PABIR3: variants seen among roughly 807,000 people sequenced by gnomAD.
The protein encoded by PABIR3 is PABIR family member 1.
A neutral mutation model predicts 23.1 loss-of-function variants in PABIR3; 20 were observed. That is an observed-to-expected ratio of 0.86 (90% CI 0.61 to 1.26). The LOEUF (loss-of-function observed/expected upper bound fraction) is 1.26, where lower values mean the gene tolerates loss of function less well. PABIR3 is among the 50% of genes most tolerant of loss of function. The pLI is 0.00. For missense variants in PABIR3, 189 were observed against 195.4 expected (o/e 0.97, Z 0.20); for synonymous variants, 69 against 68.5 (o/e 1.01, Z -0.04).
In PABIR3 at chrX:134,854,314, T is replaced by C. The variant is rs1569464291; in HGVS notation, c.*97T>C. On this transcript the variant is annotated 3_prime_UTR_variant, in exon 11 of 11. Transcript: ENST00000645433. ...GCAAACCAAGTCAGAGCAATGAGAA[T>C]TGTACTGTATAATTTAAACTATCTC... The C allele has an allele frequency of 2.2e-6, 2 of 927,519 alleles. No homozygotes were observed. The highest frequency in any genetic ancestry group is 3.5e-5 in the East Asian group (1 of 28,398). The allele number at this position is 927,519 out of a possible 1,213,427, so 76.4% of individuals were successfully genotyped here. A position where few individuals can be genotyped will look rare whatever the true frequency, so the allele number is the denominator to read the frequency against.
intron 4 of PABIR3, chrX:134,833,015 C>G (rs2081861444): frequency 9.0e-6 from 1 of 110,911 alleles, no homozygotes; most frequent in Admixed American, 9.7e-5. Flanking sequence ...GTATGGGTGA[C>G]TTTTTGTATC....
intron 4 of PABIR3, among the ~76,000 whole-genome samples, chrX:134,832,192 T>C (rs2081814208): frequency 9.2e-6 from 1 of 108,376 alleles, no homozygotes; most frequent in African/African-American, 3.3e-5. Flanking sequence ...AAAGAATCAC[T>C]TGAACCTGGG....
intron 7 of PABIR3, 38 bp downstream of exon 7, chrX:134,847,513 ATAGT>A: frequency 2.0e-6 from 2 of 987,687 alleles, no homozygotes; most frequent in East Asian, 3.1e-5. Flanking sequence ...GTCTCTTGAA[ATAGT>A]TAGGAAATAT....
intron 4 of PABIR3, among the ~76,000 whole-genome samples, chrX:134,840,163 T>A (rs2082172968): frequency 1.8e-5 from 2 of 111,100 alleles, no homozygotes; most frequent in South Asian, 3.8e-4. Context: ...GAAGGCAGCG[T>A]GCTCGTTAAG....
At chrX:134,830,349 T>C (rs2081721808) in intron 4 of PABIR3, among the ~76,000 whole-genome samples, 1 of 98,316 alleles carries the variant, frequency 1.0e-5, no homozygotes, top group African/African-American at 3.9e-5. Flanking sequence ...TTTTTTTTTT[T>C]TGAGACAGAG....
At chrX:134,804,198 A>G (rs1749426589), upstream of PABIR3, 2 of 1,148,986 alleles carry the variant, frequency 1.7e-6, no homozygotes, top group Non-Finnish European at 2.3e-6. Context: ...TCCCAAGATC[A>G]TGGCATATTT....
At chrX:134,805,226 C>G (rs370550152), upstream of PABIR3, among the ~76,000 whole-genome samples, 9 of 111,305 alleles carry the variant, frequency 8.1e-5, no homozygotes, top group East Asian at 1.7e-3. Context: ...TTGGTTTCCT[C>G]CTGTGAAAAA....
the PABIR3 span, among the ~76,000 whole-genome samples, chrX:134,860,246 C>A: frequency 2.7e-5 from 3 of 110,807 alleles, no homozygotes; most frequent in Non-Finnish European, 5.7e-5. Flanking sequence ...TGCCACCATG[C>A]TCATTTATTC....
chrX:134,820,641 C>T (rs989064283), intron 3 of PABIR3, among the ~76,000 whole-genome samples: 2 of 111,820 alleles, frequency 1.8e-5, no homozygotes, highest in Non-Finnish European at 3.8e-5. Flanking sequence ...GAACTGTATA[C>T]TTCAAAATGG....
intron 9 of PABIR3, among the ~76,000 whole-genome samples, chrX:134,850,494 T>C (rs1195746642): frequency 8.9e-6 from 1 of 111,734 alleles, no homozygotes; most frequent in African/African-American, 3.3e-5. Flanking sequence ...GTCTTTTACC[T>C]GTGCTGTGAA....
intron 4 of PABIR3, among the ~76,000 whole-genome samples, chrX:134,841,443 A>G (rs1371784433): frequency 8.9e-6 from 1 of 112,226 alleles, no homozygotes; most frequent in East Asian, 2.8e-4. Context: ...CATTTTGGAC[A>G]TATACCACTG....
At chrX:134,862,099 G>C in the PABIR3 span, among the ~76,000 whole-genome samples, 1 of 104,560 alleles carries the variant, frequency 9.6e-6, no homozygotes, top group Non-Finnish European at 1.9e-5. Context: ...AAAAAGCAGT[G>C]TGATTAATGG....
Position 134,818,411 on chromosome X carries a change from A to G in PABIR3, c.189+3562A>G, listed in dbSNP as rs183834659. Among the ~76,000 whole-genome samples the G allele has an allele frequency of 4.3e-3, 481 of 111,868 alleles. 5 individuals carry two copies. Among genetic ancestry groups the G allele is most frequent in the Admixed American group, 0.043 (444 of 10,442 alleles). Reference sequence around the variant, plus strand: ...TTAAAAATCAGTCAGAAGAAGAGTGATGGACTAAGTAGAGAGGCAGGAGGA... The same window carrying G: ...TTAAAAATCAGTCAGAAGAAGAGTGGTGGACTAAGTAGAGAGGCAGGAGGA... On this transcript the variant is annotated intron_variant, in intron 3 of 10. Coordinates refer to ENST00000645433, the MANE Select transcript of PABIR3 (RefSeq NM_001388447.1).
intron 4 of PABIR3, chrX:134,838,701 G>T (rs1297621786): frequency 2.0e-5 from 1 of 49,607 alleles, no homozygotes; most frequent in South Asian, 2.0e-3. Flanking sequence ...TCTCCCCACG[G>T]TCTCCCTCTC....
chrX:134,807,725 T>G lies in PABIR3; in HGVS notation c.110+17T>G. On this transcript the variant is annotated intron_variant, in intron 2 of 10. Transcript: ENST00000645433. Reference sequence around the variant, plus strand: ...TGGACTTGGGTGAGCCGGGTTGAGATACTGGAGGAGGCAAGCGGTGGGGAG... The same window carrying G: ...TGGACTTGGGTGAGCCGGGTTGAGAGACTGGAGGAGGCAAGCGGTGGGGAG... 3 of 1,155,821 alleles carry G rather than the reference T, an allele frequency of 2.6e-6. No individual in the cohort carries two copies. The highest frequency in any genetic ancestry group is 3.5e-6 in the Non-Finnish European group (3 of 860,878).
intron 3 of PABIR3, among the ~76,000 whole-genome samples, chrX:134,819,171 G>A (rs1160984683): frequency 9.1e-6 from 1 of 109,596 alleles, no homozygotes; most frequent in Non-Finnish European, 1.9e-5. Context: ...TCCTGACCTC[G>A]TGATCCGCCT....
intron 4 of PABIR3, among the ~76,000 whole-genome samples, chrX:134,840,324 C>A (rs2082180919): frequency 9.1e-6 from 1 of 109,748 alleles, no homozygotes; most frequent in African/African-American, 3.3e-5. Context: ...TGCCAAATCC[C>A]CCTCTGCGAG....
intron 1 of PABIR3, among the ~76,000 whole-genome samples, chrX:134,800,440 A>G (rs900719735): frequency 1.8e-5 from 2 of 110,541 alleles, no homozygotes; most frequent in Non-Finnish European, 3.8e-5. Context: ...AGCCCGGGCA[A>G]CAGAACCAAT....
chrX:134,817,929 C>T (rs927876306), intron 3 of PABIR3, among the ~76,000 whole-genome samples: 4 of 111,435 alleles, frequency 3.6e-5, no homozygotes, highest in Non-Finnish European at 7.5e-5. Context: ...TAGGCTACTG[C>T]AATCACCCTG....
Sources: gnomAD v4.1 joint callset for allele counts (sites outside exome capture counted in the v4.1 genomes callset) on GRCh38, gnomAD v4.1.1 for gene constraint, MANE v1.5 for transcripts, NCBI Gene and HGNC (gene_info 2026-07-23, HGNC 2026-07-21) for gene names.